Variants in OPCML observed in about 807,000 individuals in gnomAD.
OPCML encodes the protein opioid binding protein/cell adhesion molecule like.
A neutral mutation model predicts 37.8 loss-of-function variants in OPCML; 13 were observed. The ratio of observed to expected loss-of-function variants is 0.34; its 90% CI spans 0.22 to 0.55. OPCML has a LOEUF of 0.55. Among genes scored for constraint, OPCML ranks in the 20% least tolerant of loss-of-function variants. The pLI is 0.91. For synonymous variants in OPCML, 176 were observed against 168.8 expected, an observed-to-expected ratio of 1.04 and a Z score of -0.33; for missense variants, 341 against 435.6, an observed-to-expected ratio of 0.78 and a Z score of 1.93.
chr11:133,349,636 G>A (rs928342425), intron 1 of OPCML, among the ~76,000 whole-genome samples: 3 of 152,144 alleles, frequency 2.0e-5, no homozygotes, highest in Non-Finnish European at 4.4e-5. Flanking sequence ...AGACACCTGA[G>A]CAACCATGAA....
intron 4 of OPCML, among the ~76,000 whole-genome samples, chr11:132,506,514 A>G (rs1481074372): frequency 2.0e-5 from 3 of 152,184 alleles, no homozygotes; most frequent in Non-Finnish European, 2.9e-5. Context: ...GAAAATGCCA[A>G]TGTCTCAACA....
intron 1 of OPCML, among the ~76,000 whole-genome samples, chr11:133,507,145 G>A (rs1948050825): frequency 6.6e-6 from 1 of 152,226 alleles, no homozygotes; most frequent in Non-Finnish European, 1.5e-5. Context: ...CCCAGCCTGA[G>A]GGCCTGAGGA....
chr11:132,906,535 G>A (rs1048039262), intron 2 of OPCML, among the ~76,000 whole-genome samples: 3 of 152,110 alleles, frequency 2.0e-5, no homozygotes, highest in Non-Finnish European at 4.4e-5. Context: ...CAGGGGAAAT[G>A]AATACTATTC....
chr11:133,095,829 G>A (rs1182830258), intron 1 of OPCML, among the ~76,000 whole-genome samples: 1 of 151,504 alleles, frequency 6.6e-6, no homozygotes, highest in East Asian at 1.9e-4. Context: ...TGAGAAAATC[G>A]AAACAAAACA....
At chr11:132,832,062 AAAGAATGAC>A (rs1461381128) in intron 2 of OPCML, among the ~76,000 whole-genome samples, 1 of 151,996 alleles carries the variant, frequency 6.6e-6, no homozygotes, top group Non-Finnish European at 1.5e-5. Flanking sequence ...ACTCTGGTTC[AAAGAATGAC>A]TGTGTGTCTG....
At chr11:132,701,808 C>T (rs549867392) in intron 2 of OPCML, among the ~76,000 whole-genome samples, 282 of 119,392 alleles carry the variant, frequency 2.4e-3, no homozygotes, top group Non-Finnish European at 4.1e-3. Context: ...TGGTGGTGGG[C>T]GTGTGCTTTC....
At chr11:133,245,708 G>A (rs912635158) in intron 1 of OPCML, among the ~76,000 whole-genome samples, 3 of 151,972 alleles carry the variant, frequency 2.0e-5, no homozygotes, top group Admixed American at 1.3e-4. Flanking sequence ...CAAAGACTTC[G>A]AACCAACCCA....
intron 1 of OPCML, among the ~76,000 whole-genome samples, chr11:133,379,380 G>A (rs1195646244): frequency 3.9e-5 from 6 of 152,206 alleles, no homozygotes; most frequent in African/African-American, 7.2e-5. Flanking sequence ...TCTTTAGAGA[G>A]CTCCCTCTGC....
At chr11:133,463,119 CAAA>C (rs558107695) in intron 1 of OPCML, among the ~76,000 whole-genome samples, 1 of 49,898 alleles carries the variant, frequency 2.0e-5, no homozygotes, top group Non-Finnish European at 4.8e-5. Context: ...ACATCAGGCT[CAAA>C]AAAAAAAAAA....
chr11:132,803,858 G>C (rs1327634922), intron 2 of OPCML, among the ~76,000 whole-genome samples: 2 of 152,184 alleles, frequency 1.3e-5, no homozygotes, highest in Non-Finnish European at 1.5e-5. Context: ...AATTAAATGA[G>C]TTTAATATGT....
At chr11:132,472,752 T>A (rs2096142040) in intron 4 of OPCML, among the ~76,000 whole-genome samples, 1 of 152,100 alleles carries the variant, frequency 6.6e-6, no homozygotes. Flanking sequence ...GGACCCACAG[T>A]CCCCAGCACA....
chr11:133,225,352 G>A (rs1398988236), intron 1 of OPCML, among the ~76,000 whole-genome samples: 1 of 152,218 alleles, frequency 6.6e-6, no homozygotes, highest in Non-Finnish European at 1.5e-5. Flanking sequence ...CATGGTCTGA[G>A]TAGTGAATCT....
chr11:132,750,542 C>T (rs1370230504), intron 2 of OPCML, among the ~76,000 whole-genome samples: 1 of 152,136 alleles, frequency 6.6e-6, no homozygotes, highest in East Asian at 1.9e-4. Flanking sequence ...CAACCACATT[C>T]TTAGCAAAAT....
chr11:132,444,434 C>T (rs1007598014), intron 4 of OPCML, among the ~76,000 whole-genome samples: 2 of 152,166 alleles, frequency 1.3e-5, no homozygotes, highest in Non-Finnish European at 2.9e-5. Context: ...TTTGGAATTA[C>T]GGTAGAGTTT....
Position 132,942,950 on chromosome 11 carries a change from C to T in OPCML, c.122G>A (p.Arg41Gln), listed in dbSNP as rs1331031981. The T allele has an allele frequency of 1.9e-6, 3 of 1,613,980 alleles. No homozygotes were observed. The highest frequency in any genetic ancestry group is 1.7e-5 in the Admixed American group (1 of 59,998). The change falls in exon 2 of 8, where the codon CGG (arginine) becomes CAG (glutamine). Residue 41 changes from arginine to glutamine, a missense_variant. Transcript: ENST00000524381. Reference protein sequence around the residue: ...FPKAMDNVTVRQGESATLRCT... With the variant: ...FPKAMDNVTVQQGESATLRCT... ...CCTGAGGGTGGCGCTCTCCCCCTGC[C>T]GGACCGTCACGTTGTCCATAGCTTT...
At chr11:133,238,499 C>T (rs1940607822) in intron 1 of OPCML, among the ~76,000 whole-genome samples, 1 of 152,252 alleles carries the variant, frequency 6.6e-6, no homozygotes, top group East Asian at 1.9e-4. Context: ...TTTTTTAAAA[C>T]GTGATTCTAG....
At chr11:133,166,752 A>G (rs1436128926) in intron 1 of OPCML, among the ~76,000 whole-genome samples, 1 of 152,226 alleles carries the variant, frequency 6.6e-6, no homozygotes, top group East Asian at 1.9e-4. Context: ...CAATTTGGTT[A>G]CTAAGCCCAG....
In OPCML at chr11:133,140,982, A is replaced by AGAC. The variant is rs1949799510; in HGVS notation, c.62-197973_62-197972insGTC. ...AAGAAGAAGAAGAAGAAGAAGAAGAAGAAGAAGAAGAAGAAGACGACGACG... is the reference window on the plus strand; with the variant it reads ...AAGAAGAAGAAGAAGAAGAAGAAGAAGACGAAGAAGAAGAAGAAGACGACGACG... On this transcript the variant is annotated intron_variant, in intron 1 of 7. Coordinates refer to ENST00000524381, the MANE Select transcript of OPCML (RefSeq NM_001012393.5). 2.5e-3 allele frequency among the ~76,000 whole-genome samples: 10 copies of AGAC among 4,044 alleles called. 4 individuals carry two copies. The highest frequency in any genetic ancestry group is 4.1e-3 in the African/African-American group (10 of 2,428). 2.7% of individuals were successfully genotyped at this position (4,044 alleles called of 152,430 possible).
rs1342878502 is a variant in OPCML, at chr11:133,205,776, A to G, written c.62-262766T>C. Among the ~76,000 whole-genome samples, 1 of 152,216 alleles carries G rather than the reference A, an allele frequency of 6.6e-6. No homozygotes were observed. The highest frequency in any genetic ancestry group is 6.5e-5 in the Admixed American group (1 of 15,272). ...ATCCCAAGAAAATGCCACTTGGTGT[A>G]AAGATATTTTGTGCTTATAAAATTA... On this transcript the variant is annotated intron_variant, in intron 1 of 7. Coordinates refer to ENST00000524381, the MANE Select transcript of OPCML (RefSeq NM_001012393.5). This position sits in a 1 kb window ranked among gnomAD's most constrained non-coding sequence, Gnocchi z 4.8.
Sources: gnomAD v4.1 joint callset for allele counts (sites outside exome capture counted in the v4.1 genomes callset) on GRCh38, gnomAD v4.1.1 for gene constraint, Gnocchi (gnomAD v3.1) non-coding constraint, MANE v1.5 for transcripts, NCBI Gene and HGNC (gene_info 2026-07-23, HGNC 2026-07-21) for gene names.